The following PAK5 variants were observed in gnomAD, a reference collection of about 807,000 sequenced individuals.
PAK5 encodes p21 (RAC1) activated kinase 5.
Under a neutral mutation model 65.9 loss-of-function variants are expected in PAK5, and 16 were observed. The ratio of observed to expected loss-of-function variants is 0.24; its 90% CI spans 0.16 to 0.37. The LOEUF (loss-of-function observed/expected upper bound fraction) is 0.37, where lower values mean the gene tolerates loss of function less well. PAK5 is among the 10% of genes least tolerant of loss of function. PAK5 has a pLI of 1.00. For synonymous variants in PAK5, 371 were observed against 354.9 expected (o/e 1.05, Z -0.51); for missense variants, 785 against 903.9 (o/e 0.87, Z 1.69).
At chr20:9,539,657 G>A (rs1387655040) in intron 9 of PAK5, 40 bp from the exon 10 acceptor site, 1 of 1,574,104 alleles carries the variant, frequency 6.4e-7, no homozygotes, top group Admixed American at 1.7e-5. Context: ...GACTAACACA[G>A]ACACCTAACC....
intron 1 of PAK5, among the ~76,000 whole-genome samples, chr20:9,837,055 T>C (rs947797922): frequency 6.6e-6 from 1 of 152,194 alleles, no homozygotes; most frequent in Non-Finnish European, 1.5e-5. Context: ...ATTCAATGCT[T>C]AGATATCAAT....
At chr20:9,715,530 G>A (rs941161349) in intron 1 of PAK5, among the ~76,000 whole-genome samples, 1 of 152,112 alleles carries the variant, frequency 6.6e-6, no homozygotes, top group African/African-American at 2.4e-5. Context: ...ATTTGACTCA[G>A]CCATCCCATT....
intron 1 of PAK5, among the ~76,000 whole-genome samples, chr20:9,774,429 G>A (rs1223254908): frequency 2.0e-5 from 3 of 152,108 alleles, no homozygotes; most frequent in African/African-American, 7.2e-5. Context: ...TTGCTGATGG[G>A]AGTATAAAAA....
intron 2 of PAK5, among the ~76,000 whole-genome samples, chr20:9,695,571 G>C (rs2047857799): frequency 6.6e-6 from 1 of 152,030 alleles, no homozygotes; most frequent in African/African-American, 2.4e-5. Flanking sequence ...TTCTGAAGGA[G>C]AGCATTTCTT....
chr20:9,661,996 G>A (rs1600213046), intron 2 of PAK5, among the ~76,000 whole-genome samples: 1 of 152,154 alleles, frequency 6.6e-6, no homozygotes, highest in Non-Finnish European at 1.5e-5. Context: ...CTGGAAGACA[G>A]AAGGCCCTTC....
intron 1 of PAK5, among the ~76,000 whole-genome samples, chr20:9,763,539 A>C (rs2048723567): frequency 1.3e-5 from 2 of 150,896 alleles, no homozygotes; most frequent in Admixed American, 6.6e-5. Context: ...AAAACAAAAC[A>C]AAAAAAAACA....
chr20:9,590,619 C>CAAAA (rs71184146), intron 3 of PAK5, among the ~76,000 whole-genome samples: 18 of 130,278 alleles, frequency 1.4e-4, no homozygotes, highest in African/African-American at 4.6e-4. Context: ...TGGGCTGTGC[C>CAAAA]AAAAAAAAAA....
chr20:9,671,359 TTGGGCAGTA>T (rs2047495112), intron 2 of PAK5, among the ~76,000 whole-genome samples: 1 of 152,208 alleles, frequency 6.6e-6, no homozygotes, highest in Non-Finnish European at 1.5e-5. Flanking sequence ...ATAAATTACC[TTGGGCAGTA>T]TGGCCATTTT....
intron 3 of PAK5, among the ~76,000 whole-genome samples, chr20:9,589,827 T>C (rs1231172268): frequency 1.3e-5 from 2 of 152,116 alleles, no homozygotes; most frequent in Admixed American, 6.5e-5. Context: ...TGCACCACCA[T>C]GACCAGTTAG....
At chr20:9,755,248 TA>T (rs1426572894) in intron 1 of PAK5, among the ~76,000 whole-genome samples, 1 of 152,210 alleles carries the variant, frequency 6.6e-6, no homozygotes, top group Non-Finnish European at 1.5e-5. Context: ...TCAGCTGCAG[TA>T]AAATCTTTGC....
At chr20:9,805,494 G>A (rs981121302) in intron 1 of PAK5, among the ~76,000 whole-genome samples, 3 of 152,110 alleles carry the variant, frequency 2.0e-5, no homozygotes, top group African/African-American at 7.2e-5. Flanking sequence ...ATGATGAATG[G>A]ATAAACAAGA....
At chr20:9,617,493 AACTG>A (rs2046679315) in intron 3 of PAK5, among the ~76,000 whole-genome samples, 1 of 151,912 alleles carries the variant, frequency 6.6e-6, no homozygotes, top group Non-Finnish European at 1.5e-5. Flanking sequence ...AATATGATAA[AACTG>A]AGGCTGAGAG....
intron 3 of PAK5, among the ~76,000 whole-genome samples, chr20:9,617,444 A>C (rs1177758093): frequency 1.5e-4 from 23 of 152,136 alleles, no homozygotes; most frequent in Non-Finnish European, 1.5e-5. Flanking sequence ...ATGACATTGG[A>C]AACAGCTAGC....
In PAK5 at chr20:9,696,111, C is replaced by T. The variant is rs1891203626; in HGVS notation, c.-12+15175G>A. On this transcript the variant is annotated intron_variant, in intron 2 of 9. Coordinates refer to ENST00000353224, the MANE Select transcript of PAK5 (RefSeq NM_177990.4). ...GGCCAGTGGCTACCATACTGGGTAA[C>T]CCAGCCATAGACAGTTACATGAATA... Among the ~76,000 whole-genome samples, 7 of 152,140 alleles carry T rather than the reference C, an allele frequency of 4.6e-5. No homozygotes were observed. The South Asian group carries it at 1.5e-3, about 32-fold the overall frequency.
At chr20:9,774,068 C>T (rs865785513) in intron 1 of PAK5, among the ~76,000 whole-genome samples, 7 of 152,092 alleles carry the variant, frequency 4.6e-5, no homozygotes, top group African/African-American at 1.2e-4. Context: ...GGGTCAGACC[C>T]GCTTACTATG....
chr20:9,579,024 A>G (rs1312912063), intron 4 of PAK5, among the ~76,000 whole-genome samples: 1 of 152,212 alleles, frequency 6.6e-6, no homozygotes, highest in Non-Finnish European at 1.5e-5. Context: ...CCAACAATAC[A>G]CTTAAATGGC....
intron 2 of PAK5, among the ~76,000 whole-genome samples, chr20:9,701,587 G>C (rs1287291274): frequency 6.6e-6 from 1 of 152,150 alleles, no homozygotes; most frequent in Non-Finnish European, 1.5e-5. Context: ...ATTGCTCTAA[G>C]TCATTTTCAG....
intron 3 of PAK5, among the ~76,000 whole-genome samples, chr20:9,631,566 G>A (rs2046922022): frequency 1.3e-5 from 2 of 152,168 alleles, no homozygotes. Context: ...TGGGAATGAA[G>A]CCCAGCTGGC....
In PAK5 at chr20:9,684,680, A is replaced by T. The variant is rs895170608; in HGVS notation, c.-12+26606T>A. ...TCTATTCTCCACTTCAATCAAAAAAACTAATGACCAAACTGATTACACTCA... is the reference window on the plus strand; with the variant it reads ...TCTATTCTCCACTTCAATCAAAAAATCTAATGACCAAACTGATTACACTCA... On this transcript the variant is annotated intron_variant, in intron 2 of 9. Coordinates refer to ENST00000353224, the MANE Select transcript of PAK5 (RefSeq NM_177990.4). Among the ~76,000 whole-genome samples, 38 of 152,218 alleles carry T rather than the reference A, an allele frequency of 2.5e-4. 1 individual carries two copies.
Sources: gnomAD v4.1 joint callset for allele counts (sites outside exome capture counted in the v4.1 genomes callset) on GRCh38, gnomAD v4.1.1 for gene constraint, MANE v1.5 for transcripts, NCBI Gene and HGNC (gene_info 2026-07-23, HGNC 2026-07-21) for gene names.